ESF1: variants seen among roughly 807,000 people sequenced by gnomAD.
ESF1 encodes the protein ESF1 nucleolar pre-rRNA processing protein.
In ESF1, 58 loss-of-function variants were observed where a neutral mutation model predicts 92.0. That is an observed-to-expected ratio of 0.63 (90% CI 0.51 to 0.78). The LOEUF (loss-of-function observed/expected upper bound fraction) is 0.78. Among genes scored for constraint, ESF1 ranks in the 30% least tolerant of loss-of-function variants. The pLI is 0.00. For missense variants in ESF1, 922 were observed against 989.1 expected (o/e 0.93, Z 0.91); for synonymous variants, 321 against 313.7 (o/e 1.02, Z -0.24).
At chr20:13,722,544 T>C (rs2049874719) in intron 11 of ESF1, among the ~76,000 whole-genome samples, 1 of 152,202 alleles carries the variant, frequency 6.6e-6, no homozygotes, top group African/African-American at 2.4e-5. Context: ...GTCAATCTTT[T>C]GTCAAGTAAG....
At chr20:13,724,280 G>C (rs2049886758) in intron 11 of ESF1, among the ~76,000 whole-genome samples, 1 of 152,120 alleles carries the variant, frequency 6.6e-6, no homozygotes, top group Non-Finnish European at 1.5e-5. Flanking sequence ...GGGCGACACA[G>C]TGAGACTCCG....
intron 11 of ESF1, among the ~76,000 whole-genome samples, chr20:13,728,144 A>G (rs2049914419): frequency 6.6e-6 from 1 of 152,198 alleles, no homozygotes; most frequent in Non-Finnish European, 1.5e-5. Flanking sequence ...TAAACTATTA[A>G]CCACATTATC....
At chr20:13,738,391 G>A (rs746435724) in intron 9 of ESF1, among the ~76,000 whole-genome samples, 14 of 149,708 alleles carry the variant, frequency 9.4e-5, no homozygotes, top group Non-Finnish European at 1.8e-4. Flanking sequence ...ACAGCTCACT[G>A]CAGCCTAGAT....
intron 11 of ESF1, among the ~76,000 whole-genome samples, chr20:13,721,504 T>C (rs1176467659): frequency 6.6e-6 from 1 of 152,174 alleles, no homozygotes; most frequent in Non-Finnish European, 1.5e-5. Flanking sequence ...AACAATGACC[T>C]GGATGAAGCG....
At chr20:13,728,585 G>T in intron 10 of ESF1, 120 bp from the exon 11 acceptor site, 1 of 799,444 alleles carries the variant, frequency 1.3e-6, no homozygotes, top group Non-Finnish European at 2.0e-6. Flanking sequence ...GTAAATCAGT[G>T]GCCAAGCGTG....
intron 9 of ESF1, among the ~76,000 whole-genome samples, chr20:13,749,786 C>CT (rs992289871): frequency 2.8e-4 from 42 of 152,148 alleles, no homozygotes; most frequent in African/African-American, 1.0e-3. Flanking sequence ...AGTCTGGTCT[C>CT]TAACTTCTGA....
At chr20:13,763,528 A>G (rs1979300134) in intron 8 of ESF1, among the ~76,000 whole-genome samples, 1 of 152,252 alleles carries the variant, frequency 6.6e-6, no homozygotes, top group Admixed American at 6.5e-5. Flanking sequence ...CTTACAGCTG[A>G]TAGTGAAGAA....
rs2050058175 is a variant in ESF1, at chr20:13,747,446, C to A, written c.1828+12246G>T. Among the ~76,000 whole-genome samples, 4 of 151,890 alleles carry A rather than the reference C, an allele frequency of 2.6e-5. No homozygotes were observed. In the South Asian group the frequency reaches 8.3e-4, roughly 32 times the overall value. On this transcript the variant is annotated intron_variant, in intron 9 of 13. Coordinates refer to ENST00000617257, the MANE Select transcript of ESF1 (RefSeq NM_001276380.2). ...TGGTGGTGCACACCTGTAGTCCCAG[C>A]TACTCGTGAGGCAGAGGCAGAGGCA...
rs1273288732 is a variant in ESF1, at chr20:13,772,618, A to C, written c.1150-3T>G. Reference sequence around the variant, plus strand: ...TTTCCAAATTCTGAAGGATATATCTAAACAGAAAAAAATAGGATCAATGTA... The same window carrying C: ...TTTCCAAATTCTGAAGGATATATCTCAACAGAAAAAAATAGGATCAATGTA... On this transcript the variant is annotated splice_polypyrimidine_tract_variant and splice_region_variant and intron_variant, in intron 4 of 13. Coordinates refer to ENST00000617257, the MANE Select transcript of ESF1 (RefSeq NM_001276380.2). The C allele has an allele frequency of 6.3e-7, 1 of 1,590,166 alleles. No homozygotes were observed. Among genetic ancestry groups the C allele is most frequent in the Admixed American group, 1.7e-5 (1 of 59,972 alleles).
intron 9 of ESF1, among the ~76,000 whole-genome samples, chr20:13,752,193 T>G (rs969896085): frequency 4.6e-5 from 7 of 152,192 alleles, no homozygotes; most frequent in African/African-American, 1.7e-4. Context: ...CCAATCTTTT[T>G]GCACAGTATG....
intron 11 of ESF1, among the ~76,000 whole-genome samples, chr20:13,719,720 A>T (rs2049854804): frequency 6.6e-6 from 1 of 152,148 alleles, no homozygotes; most frequent in Non-Finnish European, 1.5e-5. Context: ...TGTATCTTAA[A>T]TAGAAGAAAT....
chr20:13,728,877 AT>A (rs1247586096), intron 10 of ESF1, among the ~76,000 whole-genome samples: 1 of 152,066 alleles, frequency 6.6e-6, no homozygotes, highest in Non-Finnish European at 1.5e-5. Context: ...AAAAAAAAAA[AT>A]AATTAAAAGA....
At chr20:13,776,509 A>G (rs2147778254) in intron 2 of ESF1, among the ~76,000 whole-genome samples, 1 of 152,312 alleles carries the variant, frequency 6.6e-6, no homozygotes, top group Middle Eastern at 3.4e-3. Flanking sequence ...ATCCTAACAC[A>G]TGCTCACATC....
intron 9 of ESF1, among the ~76,000 whole-genome samples, chr20:13,751,865 C>T (rs889982766): frequency 6.6e-6 from 1 of 152,018 alleles, no homozygotes; most frequent in African/African-American, 2.4e-5. Context: ...CGTAGTGGCC[C>T]ACGCCTGTAG....
rs1220724360 is a variant in ESF1 at position 13,771,422 on chromosome 20, C to T, written c.1312G>A (p.Val438Ile). 6.2e-7 allele frequency: 1 copy of T among 1,612,934 alleles called. No individual in the cohort carries two copies. Among genetic ancestry groups the T allele is most frequent in the Non-Finnish European group, 8.5e-7 (1 of 1,179,242 alleles). ...GCTGTTTCCGGAGAATCACAGTCTA[C>T]TACTGCATAATAGTACTTCAGTCGT... ...FKRLKYYYAV[V>I]DCDSPETASK... The change falls in exon 6 of 14, where the codon GTA (valine) becomes ATA (isoleucine). Residue 438 changes from valine (V) to isoleucine (I), a missense_variant. Val to Ile is a conservative substitution (Grantham distance 29). Transcript: ENST00000617257.
At chr20:13,772,478 A>C (rs2274674) in intron 5 of ESF1, 37 bp downstream of exon 5, 184,592 of 1,414,160 alleles carry the variant, frequency 0.13, 15,930 homozygotes, top group East Asian at 0.42. Flanking sequence ...ACATGAATTT[A>C]TGAGGTTTAG....
intron 2 of ESF1, among the ~76,000 whole-genome samples, chr20:13,781,398 A>G (rs1045822161): frequency 6.6e-6 from 1 of 152,214 alleles, no homozygotes; most frequent in African/African-American, 2.4e-5. Flanking sequence ...AAATAATTTT[A>G]CCTGTTTCAT....
chr20:13,781,153 T>C (rs778977866), intron 2 of ESF1, among the ~76,000 whole-genome samples: 5 of 152,226 alleles, frequency 3.3e-5, no homozygotes, highest in Non-Finnish European at 5.9e-5. Context: ...TATTGCATTT[T>C]GTATTATGGT....
At position 13,717,465 on chromosome 20, in the gene ESF1, T is replaced by C. The variant is rs1458711035; in HGVS notation, c.2165A>G (p.His722Arg). The change falls in exon 13 of 14, where the codon CAC (histidine) becomes CGC (arginine). Residue 722 changes from histidine to arginine, a missense_variant. Coordinates refer to ENST00000617257, the MANE Select transcript of ESF1 (RefSeq NM_001276380.2). ...MMDEDEDSKK[H>R]FNYNKIVEHQ... ...CTCCACAATCTTGTTGTAATTGAAGTGTTTCTTACTGTCCTCGTCCTCATC... is the reference window on the plus strand; with the variant it reads ...CTCCACAATCTTGTTGTAATTGAAGCGTTTCTTACTGTCCTCGTCCTCATC... 2 of 1,614,014 alleles carry C rather than the reference T, an allele frequency of 1.2e-6. No homozygotes were observed. The highest frequency in any genetic ancestry group is 1.3e-5 in the African/African-American group (1 of 74,932).
Sources: allele counts gnomAD v4.1 joint callset (sites outside exome capture counted in the v4.1 genomes callset), GRCh38; gene constraint gnomAD v4.1.1; transcripts MANE v1.5; gene names NCBI Gene and HGNC (gene_info 2026-07-23, HGNC 2026-07-21).